PDE1C: variants seen among roughly 807,000 people sequenced by gnomAD.
PDE1C encodes the protein dual specificity calcium/calmodulin-dependent 3',5'-cyclic nucleotide phosphodiesterase 1C.
PDE1C carries 62 observed loss-of-function variants against 93.1 expected under a neutral mutation model. The observed-to-expected ratio is 0.67, with a 90% CI of 0.54 to 0.82. The LOEUF (loss-of-function observed/expected upper bound fraction) is 0.82, where lower values mean the gene tolerates loss of function less well. Among genes scored for constraint, PDE1C ranks in the 40% least tolerant of loss-of-function variants. The probability of loss-of-function intolerance (pLI) is 0.00; values close to 1 mark genes in which losing one functional copy is unlikely to be tolerated. For synonymous variants in PDE1C, 325 were observed against 310.1 expected (o/e 1.05, Z -0.50); for missense variants, 742 against 884.6 (o/e 0.84, Z 2.04).
At chr7:32,285,758 G>A (rs956825152) in intron 1 of PDE1C, among the ~76,000 whole-genome samples, 3 of 146,100 alleles carry the variant, frequency 2.1e-5, no homozygotes, top group African/African-American at 5.1e-5. Flanking sequence ...AGAGAAGAGA[G>A]GGGGGAGAGA....
intron 3 of PDE1C, among the ~76,000 whole-genome samples, chr7:32,084,807 G>A (rs1355493495): frequency 7.4e-6 from 1 of 134,422 alleles, no homozygotes; most frequent in Non-Finnish European, 1.7e-5. Flanking sequence ...AAACCAATGA[G>A]AACAAAGACA....
At chr7:32,265,252 C>T (rs1215538494) in intron 1 of PDE1C, among the ~76,000 whole-genome samples, 2 of 152,182 alleles carry the variant, frequency 1.3e-5, no homozygotes, top group Non-Finnish European at 2.9e-5. Context: ...CAATCTCTCT[C>T]AGTTGATGAG....
chr7:32,409,984 T>A (rs979608957), intron 1 of PDE1C, among the ~76,000 whole-genome samples: 1 of 151,888 alleles, frequency 6.6e-6, no homozygotes, highest in African/African-American at 2.4e-5. Context: ...CCAGGAGTAA[T>A]AGGAATGTAA....
intron 1 of PDE1C, among the ~76,000 whole-genome samples, chr7:32,338,942 G>T (rs977848403): frequency 1.3e-4 from 19 of 151,704 alleles, no homozygotes; most frequent in Non-Finnish European, 2.2e-4. Context: ...GGTGGAGCTT[G>T]CAGTGACCCG....
At chr7:31,881,027 C>T (rs1350590425) in intron 2 of PDE1C, among the ~76,000 whole-genome samples, 167 bp from the exon 3 acceptor site, 2 of 152,106 alleles carry the variant, frequency 1.3e-5, no homozygotes, top group African/African-American at 4.8e-5. Context: ...TAAATGTATA[C>T]ATTTTTGCCA....
In PDE1C at chr7:31,753,361, C is replaced by T. The variant is rs1056508010; in HGVS notation, c.*23G>A. The T allele has an allele frequency of 1.9e-6, 3 of 1,601,566 alleles. No individual in the cohort carries two copies. The highest frequency in any genetic ancestry group is 2.2e-5 in the South Asian group (2 of 88,926). On this transcript the variant is annotated 3_prime_UTR_variant, in exon 18 of 18. Transcript: ENST00000396191. ...AAGCAGATAGGTAGACCCTCCTTCACTCCCTCTCTTCTTCCCCTCGGCCTA... is the reference window on the plus strand; with the variant it reads ...AAGCAGATAGGTAGACCCTCCTTCATTCCCTCTCTTCTTCCCCTCGGCCTA...
the PDE1C span, among the ~76,000 whole-genome samples, chr7:31,685,361 G>T: frequency 6.2e-4 from 94 of 152,230 alleles, 1 homozygote; most frequent in Non-Finnish European, 1.2e-3. Context: ...TCAACATACT[G>T]GTTTTGATAT....
At chr7:32,037,156 TCTTTA>T (rs1791215119) in intron 2 of PDE1C, among the ~76,000 whole-genome samples, 1 of 152,034 alleles carries the variant, frequency 6.6e-6, no homozygotes, top group Non-Finnish European at 1.5e-5. Context: ...GTTGTAGGAG[TCTTTA>T]TTTTCCCTGA....
intron 16 of PDE1C, among the ~76,000 whole-genome samples, chr7:31,776,625 TATAA>T (rs1241802724): frequency 1.3e-5 from 2 of 152,144 alleles, no homozygotes; most frequent in Non-Finnish European, 2.9e-5. Flanking sequence ...TATATTTACG[TATAA>T]ATATATACAC....
the PDE1C span, among the ~76,000 whole-genome samples, chr7:31,638,844 T>C: frequency 6.6e-6 from 1 of 152,170 alleles, no homozygotes; most frequent in Non-Finnish European, 1.5e-5. Context: ...TGACCCAATC[T>C]CAGCTTACTA....
At position 31,805,678 on chromosome 7, in the gene PDE1C, A is replaced by G. The variant is rs979400217; in HGVS notation, c.1891+3353T>C. On this transcript the variant is annotated intron_variant, in intron 16 of 17. Transcript: ENST00000396191. ...GTACTACTGTACTCTTATATTCTTC[A>G]GAACTCTAGAGTTTATCTCTCTGTA... Among the ~76,000 whole-genome samples the G allele has an allele frequency of 8.6e-5, 13 of 151,168 alleles. 1 individual carries two copies. The highest frequency in any genetic ancestry group is 8.6e-4 in the Admixed American group (13 of 15,160).
At chr7:32,099,571 A>G (rs987402013) in intron 3 of PDE1C, among the ~76,000 whole-genome samples, 1 of 152,218 alleles carries the variant, frequency 6.6e-6, no homozygotes, top group Non-Finnish European at 1.5e-5. Context: ...TAATGAGGAC[A>G]TTAACTAATT....
rs139385287 is a variant in PDE1C, at chr7:31,953,147, A to C, written c.129-72287T>G. On this transcript the variant is annotated intron_variant, in intron 2 of 17. Coordinates refer to ENST00000396191, the MANE Select transcript of PDE1C (RefSeq NM_001191057.4). ...GGTAGCCATTTAAAATAAGAGATTA[A>C]AGTTATTTCATAATTAACTGAATGT... Among the ~76,000 whole-genome samples the C allele has an allele frequency of 1.1e-4, 17 of 152,306 alleles. 1 individual carries two copies. The East Asian group carries it at 3.3e-3, about 29-fold the overall frequency.
intron 2 of PDE1C, among the ~76,000 whole-genome samples, chr7:31,966,408 A>G (rs1231317779): frequency 6.6e-6 from 1 of 152,228 alleles, no homozygotes; most frequent in Non-Finnish European, 1.5e-5. Flanking sequence ...AGAAGAACTA[A>G]CTATCCTAAA....
chr7:32,208,405 G>A (rs1805762675), intron 2 of PDE1C, among the ~76,000 whole-genome samples: 1 of 151,892 alleles, frequency 6.6e-6, no homozygotes, highest in Admixed American at 6.6e-5. Flanking sequence ...CAACATTTTT[G>A]ACTGACCTGG....
chr7:31,885,060 G>A (rs755038301), intron 2 of PDE1C, among the ~76,000 whole-genome samples: 1 of 152,082 alleles, frequency 6.6e-6, no homozygotes, highest in Non-Finnish European at 1.5e-5. Context: ...TGTCCTCAGA[G>A]GCCAGGTCCC....
chr7:31,980,014 G>A (rs989504658), intron 2 of PDE1C, among the ~76,000 whole-genome samples: 1 of 152,032 alleles, frequency 6.6e-6, no homozygotes, highest in Non-Finnish European at 1.5e-5. Context: ...CCAGGAAAAG[G>A]GCTCCTTTAG....
chr7:32,407,769 G>T (rs1018268328), intron 1 of PDE1C, among the ~76,000 whole-genome samples: 2 of 152,162 alleles, frequency 1.3e-5, no homozygotes, highest in African/African-American at 4.8e-5. Flanking sequence ...TATGGAATGT[G>T]TGGAGCCTGG....
rs149583832 is a variant in PDE1C, at chr7:31,879,840, G to C, written c.243-662C>G. 2.4e-3 allele frequency among the ~76,000 whole-genome samples: 371 copies of C among 152,140 alleles called. 1 individual carries two copies. The highest frequency in any genetic ancestry group is 8.5e-3 in the African/African-American group (352 of 41,526). Reference sequence around the variant, plus strand: ...GTTAAAATAAAACCTAAAATAGCATGTCATATTTACAGTAAACCCAACTAA... The same window carrying C: ...GTTAAAATAAAACCTAAAATAGCATCTCATATTTACAGTAAACCCAACTAA... On this transcript the variant is annotated intron_variant, in intron 3 of 17. Coordinates refer to ENST00000396191, the MANE Select transcript of PDE1C (RefSeq NM_001191057.4).
Sources: gnomAD v4.1 joint callset for allele counts (sites outside exome capture counted in the v4.1 genomes callset) on GRCh38, gnomAD v4.1.1 for gene constraint, MANE v1.5 for transcripts, NCBI Gene and HGNC (gene_info 2026-07-23, HGNC 2026-07-21) for gene names.